CNTN1: variants seen among roughly 807,000 people sequenced by gnomAD.
CNTN1 encodes the protein contactin-1.
CNTN1 carries 38 observed loss-of-function variants against 126.4 expected under a neutral mutation model. That is an observed-to-expected ratio of 0.30 (90% CI 0.23 to 0.39). The LOEUF (loss-of-function observed/expected upper bound fraction) is 0.39, where lower values mean the gene tolerates loss of function less well. Ranked by LOEUF, CNTN1 falls within the 10% of genes least tolerant of loss-of-function variation. The probability of loss-of-function intolerance (pLI) is 1.00; values close to 1 mark genes in which losing one functional copy is unlikely to be tolerated. For missense variants in CNTN1, 1,009 were observed against 1,248.4 expected (o/e 0.81, Z 2.89); for synonymous variants, 413 against 422.6 (o/e 0.98, Z 0.28).
intron 23 of CNTN1, among the ~76,000 whole-genome samples, chr12:41,064,284 C>T (rs757294232): frequency 7.9e-5 from 12 of 151,888 alleles, no homozygotes; most frequent in Non-Finnish European, 1.6e-4. Context: ...GCCTGTAAAA[C>T]ATCAGCTGTT....
intron 23 of CNTN1, among the ~76,000 whole-genome samples, chr12:41,060,528 T>C (rs757622138): frequency 2.0e-5 from 3 of 152,212 alleles, no homozygotes; most frequent in Non-Finnish European, 4.4e-5. Flanking sequence ...CATTTGAAGT[T>C]GCCAGTCTTT....
chr12:40,727,106 A>G (rs1942376833), intron 1 of CNTN1, among the ~76,000 whole-genome samples: 1 of 150,648 alleles, frequency 6.6e-6, no homozygotes, highest in African/African-American at 2.4e-5. Flanking sequence ...AAAGAACATG[A>G]GGAAATATTT....
chr12:40,894,166 C>A (rs1254752810), intron 1 of CNTN1, among the ~76,000 whole-genome samples: 1 of 152,024 alleles, frequency 6.6e-6, no homozygotes, highest in South Asian at 2.1e-4. Flanking sequence ...TCCCTAGGAC[C>A]TTTAAAGATT....
intron 1 of CNTN1, among the ~76,000 whole-genome samples, chr12:40,796,930 T>G (rs1486603810): frequency 6.6e-6 from 1 of 152,038 alleles, no homozygotes; most frequent in Non-Finnish European, 1.5e-5. Flanking sequence ...AAACTAAAGA[T>G]GTAAGAATTC....
rs779778967 is a variant in CNTN1, at chr12:40,933,543, A to T, written c.786A>T (p.Glu262Asp). The T allele has an allele frequency of 3.7e-6, 6 of 1,609,754 alleles. No individual in the cohort carries two copies. In the East Asian group the frequency reaches 1.3e-4, roughly 36 times the overall value. Residue 262 changes from glutamate (E) to aspartate (D), a missense_variant, in exon 8 of 24, where the codon GAA (glutamate) becomes GAT (aspartate). Coordinates refer to ENST00000551295, the MANE Select transcript of CNTN1 (RefSeq NM_001843.4). ...TGATGGGCCAAAATGTGACCTTAGA[A>T]TGTTTTGCACTTGGAAAGTAAGTAT... is the stretch of plus-strand genomic sequence containing the variant. ...YALMGQNVTL[E>D]CFALGNPVPD...
At chr12:40,797,488 T>G (rs531132059) in intron 1 of CNTN1, among the ~76,000 whole-genome samples, 4 of 151,918 alleles carry the variant, frequency 2.6e-5, no homozygotes, top group Non-Finnish European at 4.4e-5. Context: ...GTGACTGGAA[T>G]GTAGTGAGTG....
At chr12:40,926,221 A>ATAGATAGATAGT (rs1346464892) in intron 6 of CNTN1, among the ~76,000 whole-genome samples, 2 of 151,792 alleles carry the variant, frequency 1.3e-5, no homozygotes, top group African/African-American at 4.8e-5. Context: ...AGATAGATAG[A>ATAGATAGATAGT]TATAATGCAG....
chr12:40,993,364 GGTAA>G, intron 17 of CNTN1, 95 bp downstream of exon 17: 1 of 1,043,674 alleles, frequency 9.6e-7, no homozygotes. Flanking sequence ...AATGCTCTGA[GGTAA>G]GTGATTCATC....
intron 1 of CNTN1, among the ~76,000 whole-genome samples, chr12:40,756,853 T>G (rs1165884081): frequency 4.6e-5 from 7 of 152,144 alleles, no homozygotes; most frequent in Non-Finnish European, 1.0e-4. Context: ...TGTTTTTATA[T>G]ACTGGACACT....
intron 22 of CNTN1, among the ~76,000 whole-genome samples, chr12:41,028,230 C>T (rs1949075320): frequency 6.6e-6 from 1 of 152,022 alleles, no homozygotes; most frequent in Non-Finnish European, 1.5e-5. Context: ...CAGGGTTTCA[C>T]CGTCTTGGCC....
Position 40,918,688 on chromosome 12 carries a change from C to A in CNTN1, c.144C>A (p.Ile48=). 6.2e-7 allele frequency: 1 copy of A among 1,613,206 alleles called. No individual in the cohort carries two copies. The highest frequency in any genetic ancestry group is 8.5e-7 in the Non-Finnish European group (1 of 1,179,302). ...GACCAATTTTTGAAGAGCAGCCAAT[C>A]AATACCATTTATCCAGAGGAATCAC... ...GFGPIFEEQP[I]NTIYPEESLE... Residue 48 remains isoleucine (I), a synonymous_variant, in exon 4 of 24, where the codon ATC becomes ATA. Coordinates refer to ENST00000551295, the MANE Select transcript of CNTN1 (RefSeq NM_001843.4).
chr12:41,000,499 AT>A (rs1163679544), intron 17 of CNTN1, among the ~76,000 whole-genome samples: 2 of 152,108 alleles, frequency 1.3e-5, no homozygotes, highest in Non-Finnish European at 2.9e-5. Flanking sequence ...GCTACAAATT[AT>A]TTTTTAACCC....
intron 1 of CNTN1, among the ~76,000 whole-genome samples, chr12:40,808,080 C>A (rs56721785): frequency 3.3e-3 from 509 of 152,282 alleles, no homozygotes; most frequent in African/African-American, 0.012. Flanking sequence ...TTGGAATAAG[C>A]ATTCCCTGGG....
At chr12:40,959,315 G>GT (rs1005804081) in intron 15 of CNTN1, 81 bp downstream of exon 15, 1 of 1,472,618 alleles carries the variant, frequency 6.8e-7, no homozygotes, top group Admixed American at 1.7e-5. Context: ...GGTAACTCTG[G>GT]TGCAAATTCT....
chr12:40,880,483 T>C (rs1298515870), intron 1 of CNTN1, among the ~76,000 whole-genome samples: 1 of 152,074 alleles, frequency 6.6e-6, no homozygotes, highest in Non-Finnish European at 1.5e-5. Context: ...CAAGTACAAA[T>C]ACATTTCTGC....
intron 23 of CNTN1, among the ~76,000 whole-genome samples, chr12:41,038,078 A>C (rs759123285): frequency 2.3e-4 from 35 of 152,102 alleles, no homozygotes; most frequent in Non-Finnish European, 3.7e-4. Context: ...GAATTGCTTG[A>C]ACCCAGGAGA....
At chr12:40,790,154 T>C (rs1051704106) in intron 1 of CNTN1, among the ~76,000 whole-genome samples, 2 of 152,096 alleles carry the variant, frequency 1.3e-5, no homozygotes, top group Non-Finnish European at 2.9e-5. Context: ...TTCTAGTACA[T>C]GGAAAGACTT....
chr12:40,865,528 G>A (rs1426633856), intron 1 of CNTN1, among the ~76,000 whole-genome samples: 1 of 152,054 alleles, frequency 6.6e-6, no homozygotes, highest in Non-Finnish European at 1.5e-5. Flanking sequence ...GGTATGGTGT[G>A]AAGTAGGGGT....
At chr12:40,768,147 T>C (rs1939190646) in intron 1 of CNTN1, among the ~76,000 whole-genome samples, 1 of 152,246 alleles carries the variant, frequency 6.6e-6, no homozygotes, top group African/African-American at 2.4e-5. Flanking sequence ...ACATTTGTAT[T>C]ACAGTTTATA....
Sources: allele counts gnomAD v4.1 joint callset (sites outside exome capture counted in the v4.1 genomes callset), GRCh38; gene constraint gnomAD v4.1.1; transcripts MANE v1.5; gene names NCBI Gene and HGNC (gene_info 2026-07-23, HGNC 2026-07-21).